The following FAF2 variants were observed in gnomAD, a reference collection of about 807,000 sequenced individuals.
FAF2 encodes the protein Fas associated factor family member 2.
FAF2 carries 9 observed loss-of-function variants against 62.3 expected under a neutral mutation model. The ratio of observed to expected loss-of-function variants is 0.14; its 90% confidence interval spans 0.09 to 0.25. The LOEUF (loss-of-function observed/expected upper bound fraction) is 0.25, where lower values mean the gene tolerates loss of function less well. Ranked by LOEUF, FAF2 falls within the 10% of genes least tolerant of loss-of-function variation. FAF2 has a pLI of 1.00. For missense variants in FAF2, 368 were observed against 556.2 expected, an observed-to-expected ratio of 0.66 and a Z score of 3.40; for synonymous variants, 202 against 198.0, an observed-to-expected ratio of 1.02 and a Z score of -0.17.
intron 5 of FAF2, among the ~76,000 whole-genome samples, 176 bp downstream of exon 5, chr5:176,492,508 TC>T (rs1005377082): frequency 7.2e-5 from 11 of 152,334 alleles, no homozygotes; most frequent in South Asian, 4.1e-4. Context: ...CCCTCTTTGA[TC>T]TAATGCTGCC....
At chr5:176,458,404 CTTCCTTTT>C (rs1462180138) in intron 1 of FAF2, among the ~76,000 whole-genome samples, 11 of 29,270 alleles carry the variant, frequency 3.8e-4, no homozygotes, top group African/African-American at 1.7e-3. Flanking sequence ...TTTTCTTTTT[CTTCCTTTT>C]TTTTTTTTTT....
intron 3 of FAF2, among the ~76,000 whole-genome samples, chr5:176,487,454 A>G (rs1161162292): frequency 6.6e-6 from 1 of 152,098 alleles, no homozygotes; most frequent in Non-Finnish European, 1.5e-5. Context: ...AAGTGCTGGA[A>G]TTACAGGCTT....
intron 5 of FAF2, among the ~76,000 whole-genome samples, chr5:176,492,994 C>G (rs2113741842): frequency 6.6e-6 from 1 of 152,272 alleles, no homozygotes; most frequent in East Asian, 1.9e-4. Flanking sequence ...ACCTTTGACT[C>G]AAGACCTCAC....
Position 176,499,057 on chromosome 5 carries a change from A to G in FAF2, c.983A>G (p.Gln328Arg). The change falls in exon 9 of 11, where the codon CAA becomes CGA. Residue 328 changes from glutamine (Q) to arginine (R), a missense_variant. Transcript: ENST00000261942. ...KRRKEEEVQQ[Q>R]KLAEERRRQN... is the part of the protein sequence containing the mutation. The stretch of plus-strand genomic sequence containing the variant: ...CGGAAGGAGGAGGAGGTGCAACAGC[A>G]AAAGTTGGCAGAGGAGAGACGGCGG... The G allele has an allele frequency of 6.2e-7, 1 of 1,604,182 alleles. No homozygotes were observed. The highest frequency in any genetic ancestry group is 8.5e-7 in the Non-Finnish European group (1 of 1,174,400).
intron 2 of FAF2, among the ~76,000 whole-genome samples, chr5:176,484,126 A>C (rs901542842): frequency 1.3e-5 from 2 of 152,132 alleles, no homozygotes; most frequent in Non-Finnish European, 2.9e-5. Context: ...GATTTTGGAC[A>C]TGAAGCTTGC....
chr5:176,504,436 T>C (rs1435777360), intron 10 of FAF2, among the ~76,000 whole-genome samples: 1 of 151,866 alleles, frequency 6.6e-6, no homozygotes, highest in Non-Finnish European at 1.5e-5. Flanking sequence ...ACACAAAAAT[T>C]AGCTGGGCAT....
chr5:176,503,688 C>T (rs991740024), intron 10 of FAF2, among the ~76,000 whole-genome samples: 13 of 152,006 alleles, frequency 8.6e-5, no homozygotes, highest in African/African-American at 3.1e-4. Flanking sequence ...AAAAGGGGTA[C>T]GCTGCAGAAA....
chr5:176,500,428 C>T (rs1755574052), intron 10 of FAF2, among the ~76,000 whole-genome samples: 2 of 152,172 alleles, frequency 1.3e-5, no homozygotes, highest in African/African-American at 4.8e-5. Flanking sequence ...ACATAAGTCC[C>T]TCAAAAGACT....
chr5:176,490,919 G>A (rs1418240657), intron 4 of FAF2, among the ~76,000 whole-genome samples: 1 of 152,066 alleles, frequency 6.6e-6, no homozygotes, highest in Non-Finnish European at 1.5e-5. Flanking sequence ...TCAGTCTTCT[G>A]ATGAATTTCT....
At chr5:176,487,234 G>C (rs537787777) in intron 3 of FAF2, among the ~76,000 whole-genome samples, 3 of 152,296 alleles carry the variant, frequency 2.0e-5, no homozygotes, top group African/African-American at 7.2e-5. Context: ...GCCCAGCCTG[G>C]AGTGCAGTGG....
intron 1 of FAF2, among the ~76,000 whole-genome samples, chr5:176,461,925 GT>G (rs1390299852): frequency 6.6e-6 from 1 of 152,118 alleles, no homozygotes; most frequent in Non-Finnish European, 1.5e-5. Context: ...GATTTTTATA[GT>G]TTTAGGTCTT....
At position 176,506,829 on chromosome 5, in the gene FAF2, A is replaced by G. The variant is rs1028677538; in HGVS notation, c.1217A>G (p.Asn406Ser). The G allele has an allele frequency of 3.1e-6, 5 of 1,613,778 alleles. No homozygotes were observed. The highest frequency in any genetic ancestry group is 3.3e-5 in the Admixed American group (2 of 59,976). ...CCAGAAAAGTTTCAGATTGAAGCCA[A>G]TTTTCCCAGGCGAGTGCTGCCCTGC... ...ESPEKFQIEANFPRRVLPCIP... is the reference protein window; with the variant it reads ...ESPEKFQIEASFPRRVLPCIP... The change falls in exon 11 of 11, where the codon AAT becomes AGT. Residue 406 changes from asparagine to serine, a missense_variant. Around this residue, in one of 2 missense-constraint regions of FAF2, gnomAD observed 37 missense variants for 114.3 expected, o/e 0.32. Transcript: ENST00000261942.
chr5:176,506,052 G>A (rs941243263), intron 10 of FAF2, among the ~76,000 whole-genome samples: 20 of 152,030 alleles, frequency 1.3e-4, no homozygotes, highest in Admixed American at 7.2e-4. Context: ...TTAGCCAGGC[G>A]TGGTGGCGGG....
In FAF2 at chr5:176,501,634, CAG is replaced by C. The variant is rs1755592189; in HGVS notation, c.1155+1492_1155+1493del. On this transcript the variant is annotated intron_variant, in intron 10 of 10. Transcript: ENST00000261942. ...ATTGGCCAGTACAGAATGTAAGACT[CAG>C]AGAACTAATACAGAATTAAAGTTAT... Among the ~76,000 whole-genome samples the C allele has an allele frequency of 3.3e-5, 5 of 152,216 alleles. No individual in the cohort carries two copies. In the South Asian group the frequency reaches 1.0e-3, roughly 32 times the overall value.
At chr5:176,477,604 C>T (rs1758726257) in intron 1 of FAF2, among the ~76,000 whole-genome samples, 1 of 152,162 alleles carries the variant, frequency 6.6e-6, no homozygotes, top group African/African-American at 2.4e-5. Flanking sequence ...TTTTCTATTT[C>T]AGCATTTTAA....
In FAF2 at chr5:176,480,160, C is replaced by T. The variant is rs372845667; in HGVS notation, c.132+904C>T. 2.6e-5 allele frequency among the ~76,000 whole-genome samples: 4 copies of T among 152,228 alleles called. No homozygotes were observed. The East Asian group carries it at 5.8e-4, about 22-fold the overall frequency. The stretch of plus-strand genomic sequence containing the variant: ...TATCTGTTGGTTTTTCCCTTCCATT[C>T]TTAGTATATTAATAGTTTATACTGA... On this transcript the variant is annotated intron_variant, in intron 2 of 10. Coordinates refer to ENST00000261942, the MANE Select transcript of FAF2 (RefSeq NM_014613.3).
rs139203400 is a variant in FAF2 at position 176,469,584 on chromosome 5, T to C, written c.64-9604T>C. On this transcript the variant is annotated intron_variant, in intron 1 of 10. Transcript: ENST00000261942. ...TTGAATCCAGCCCTTCCAGTGTAAATTGGAATAGTCCTTTCGAAATGCATT... is the reference window on the plus strand; with the variant it reads ...TTGAATCCAGCCCTTCCAGTGTAAACTGGAATAGTCCTTTCGAAATGCATT... Among the ~76,000 whole-genome samples the C allele has an allele frequency of 1.2e-4, 18 of 152,322 alleles. No homozygotes were observed. The East Asian group carries it at 3.3e-3, about 28-fold the overall frequency.
rs1375263905 is a variant in FAF2, at chr5:176,494,531, TA to T, written c.661+257del. 3.3e-5 allele frequency among the ~76,000 whole-genome samples: 5 copies of T among 152,126 alleles called. No individual in the cohort carries two copies. The highest frequency in any genetic ancestry group is 1.2e-4 in the African/African-American group (5 of 41,392). ...TGAAGATCACACAATTAGCAAGTTT[TA>T]TTTTTTTTGTTTTTATTTAATTAAT... On this transcript the variant is annotated intron_variant, in intron 7 of 10. Transcript: ENST00000261942. The surrounding 1 kb of genome is among the most constrained non-coding windows in gnomAD (Gnocchi z 4.0).
intron 2 of FAF2, among the ~76,000 whole-genome samples, chr5:176,481,502 A>T (rs962131006): frequency 6.6e-6 from 1 of 152,026 alleles, no homozygotes; most frequent in Non-Finnish European, 1.5e-5. Flanking sequence ...CTAAAAATAT[A>T]AAAAATTAGC....
Sources: gnomAD v4.1 joint callset for allele counts (sites outside exome capture counted in the v4.1 genomes callset) on GRCh38, gnomAD v4.1.1 for gene constraint, gnomAD v4.1.1 regional missense constraint, Gnocchi (gnomAD v3.1) non-coding constraint, MANE v1.5 for transcripts, NCBI Gene and HGNC (gene_info 2026-07-23, HGNC 2026-07-21) for gene names.